YWHAE: variants seen among roughly 807,000 people sequenced by gnomAD.
YWHAE encodes 14-3-3 protein epsilon.
In YWHAE, 4 loss-of-function variants were observed where a neutral mutation model predicts 30.1. That is an observed-to-expected ratio of 0.13 (90% CI 0.07 to 0.30). The LOEUF is 0.30. YWHAE is among the 10% of genes least tolerant of loss of function. YWHAE has a pLI of 1.00. For synonymous variants in YWHAE, 118 were observed against 111.8 expected, an observed-to-expected ratio of 1.06 and a Z score of -0.35; for missense variants, 121 against 315.9, an observed-to-expected ratio of 0.38 and a Z score of 4.68.
chr17:1,378,949 C>CA (rs71373922), intron 1 of YWHAE, among the ~76,000 whole-genome samples: 10,364 of 94,870 alleles, frequency 0.11, 382 homozygotes, highest in Middle Eastern at 0.15. Flanking sequence ...AACTCTGTCT[C>CA]AAAAAAAAAA....
intron 2 of YWHAE, among the ~76,000 whole-genome samples, 172 bp from the exon 3 acceptor site, chr17:1,362,180 G>A (rs974135810): frequency 5.3e-4 from 80 of 151,986 alleles, no homozygotes; most frequent in Non-Finnish European, 1.1e-3. Flanking sequence ...GCTGCCTCTA[G>A]GTTATAAAAA....
intron 1 of YWHAE, among the ~76,000 whole-genome samples, chr17:1,379,718 G>A (rs999134819): frequency 6.6e-6 from 1 of 152,166 alleles, no homozygotes; most frequent in African/African-American, 2.4e-5. Context: ...ACCCTGGAGC[G>A]TGTTACGATG....
intron 1 of YWHAE, among the ~76,000 whole-genome samples, chr17:1,370,246 C>T (rs992301739): frequency 2.0e-5 from 3 of 150,986 alleles, no homozygotes; most frequent in African/African-American, 4.9e-5. Context: ...CCTGCCTCAG[C>T]CTCCCGAGTA....
At chr17:1,357,590 A>AT (rs2072773373) in intron 4 of YWHAE, among the ~76,000 whole-genome samples, 1 of 151,882 alleles carries the variant, frequency 6.6e-6, no homozygotes, top group African/African-American at 2.4e-5. Context: ...AATAAAAAAA[A>AT]AAAGCAAAAA....
chr17:1,353,413 G>A (rs1346810339), intron 5 of YWHAE, among the ~76,000 whole-genome samples: 4 of 140,540 alleles, frequency 2.8e-5, no homozygotes, highest in South Asian at 2.2e-4. Context: ...ACTCCAGCCC[G>A]GTCAACAGAG....
At chr17:1,395,030 A>G (rs1463954056) in intron 1 of YWHAE, among the ~76,000 whole-genome samples, 2 of 152,116 alleles carry the variant, frequency 1.3e-5, no homozygotes, top group Admixed American at 6.6e-5. Flanking sequence ...TTGTGTACAC[A>G]GTGTTCTTGA....
intron 1 of YWHAE, chr17:1,369,847 C>T (rs2150858165): frequency 6.7e-6 from 1 of 150,134 alleles, no homozygotes; most frequent in East Asian, 1.9e-4. Flanking sequence ...AAGTGTACAA[C>T]AGCATTATGT....
At chr17:1,360,966 T>C in intron 4 of YWHAE, 126 bp downstream of exon 4, 1 of 824,930 alleles carries the variant, frequency 1.2e-6, no homozygotes, top group Non-Finnish European at 1.9e-6. Context: ...GTAGTTTCAG[T>C]AAGAGCCAAA....
At position 1,398,552 on chromosome 17, in the gene YWHAE, A is replaced by T. The variant is rs1490752326; in HGVS notation, c.64+1495T>A. ...GAAAGCAAGGGCCCTAACATTTTGA[A>T]ATATAGGTATTTTAATTAGGAAAAA... On this transcript the variant is annotated intron_variant, in intron 1 of 5. Transcript: ENST00000264335. 2.0e-5 allele frequency among the ~76,000 whole-genome samples: 3 copies of T among 152,132 alleles called. No homozygotes were observed. The East Asian group carries it at 5.8e-4, about 29-fold the overall frequency.
chr17:1,362,652 C>T (rs1379268214), intron 2 of YWHAE, among the ~76,000 whole-genome samples: 1 of 152,120 alleles, frequency 6.6e-6, no homozygotes, highest in Non-Finnish European at 1.5e-5. Flanking sequence ...CACCTCTCAA[C>T]GCACATCCTC....
At chr17:1,386,603 ACTTTTACT>A (rs763634066) in intron 1 of YWHAE, among the ~76,000 whole-genome samples, 62 of 152,228 alleles carry the variant, frequency 4.1e-4, no homozygotes, top group Non-Finnish European at 5.9e-4. Flanking sequence ...CTCAAGGACA[ACTTTTACT>A]CTTCATATAC....
intron 4 of YWHAE, among the ~76,000 whole-genome samples, chr17:1,357,826 C>T (rs1006709448): frequency 1.3e-5 from 2 of 151,262 alleles, no homozygotes; most frequent in Non-Finnish European, 2.9e-5. Context: ...ACCTGGGAGG[C>T]TGAAGCAGGA....
chr17:1,399,986 C>G, intron 1 of YWHAE, 61 bp downstream of exon 1: 1 of 1,600,168 alleles, frequency 6.2e-7, no homozygotes, highest in South Asian at 1.1e-5. Flanking sequence ...CTGTTCCCGG[C>G]CTCTGTGGGC....
intron 1 of YWHAE, among the ~76,000 whole-genome samples, chr17:1,373,328 C>A (rs1056952971): frequency 1.3e-5 from 2 of 151,892 alleles, no homozygotes; most frequent in Non-Finnish European, 2.9e-5. Context: ...ACAATAGTAA[C>A]GTCAAAGATT....
chr17:1,359,349 C>T (rs2072815214), intron 4 of YWHAE, among the ~76,000 whole-genome samples: 1 of 151,562 alleles, frequency 6.6e-6, no homozygotes, highest in Non-Finnish European at 1.5e-5. Flanking sequence ...CCCAATTCCA[C>T]CTCAAGGTGA....
intron 1 of YWHAE, among the ~76,000 whole-genome samples, chr17:1,390,583 G>C (rs919481716): frequency 6.6e-6 from 1 of 152,166 alleles, no homozygotes; most frequent in African/African-American, 2.4e-5. Flanking sequence ...AAATTAGTAG[G>C]CAAGAGAGAC....
At chr17:1,349,860 C>T (rs1363816746) in intron 5 of YWHAE, among the ~76,000 whole-genome samples, 3 of 152,178 alleles carry the variant, frequency 2.0e-5, no homozygotes, top group East Asian at 1.9e-4. Context: ...GTGATCCGCC[C>T]GCCTCAGCCT....
chr17:1,360,477 ACTGG>A (rs2072847325), intron 4 of YWHAE, among the ~76,000 whole-genome samples: 1 of 151,922 alleles, frequency 6.6e-6, no homozygotes, highest in Non-Finnish European at 1.5e-5. Flanking sequence ...GAAACAGAAC[ACTGG>A]CTGGGTGTGG....
Position 1,400,161 on chromosome 17 carries a change from T to A in YWHAE, c.-51A>T, listed in dbSNP as rs1480036467. On this transcript the variant is annotated 5_prime_UTR_variant, in exon 1 of 6. Coordinates refer to ENST00000264335, the MANE Select transcript of YWHAE (RefSeq NM_006761.5). The stretch of plus-strand genomic sequence containing the variant: ...GCGCGACGGATGGAAGCGGATAGTG[T>A]CTCCGACTCTCTCAGCCTCTCGCTC... 3.4e-5 allele frequency: 54 copies of A among 1,603,552 alleles called. No individual in the cohort carries two copies. The highest frequency in any genetic ancestry group is 4.4e-5 in the Non-Finnish European group (51 of 1,170,998).
Sources: allele counts gnomAD v4.1 joint callset (sites outside exome capture counted in the v4.1 genomes callset), GRCh38; gene constraint gnomAD v4.1.1; transcripts MANE v1.5; gene names NCBI Gene and HGNC (gene_info 2026-07-23, HGNC 2026-07-21).